SLC30A10: variants seen among roughly 807,000 people sequenced by gnomAD.
SLC30A10 encodes solute carrier family 30 member 10, also known as calcium/manganese antiporter SLC30A10.
In SLC30A10, 8 loss-of-function variants were observed where a neutral mutation model predicts 21.7. The observed-to-expected ratio is 0.37, with a 90% confidence interval of 0.22 to 0.67. The LOEUF (loss-of-function observed/expected upper bound fraction) is 0.67. Ranked by LOEUF, SLC30A10 falls within the 30% of genes least tolerant of loss-of-function variation. The pLI is 0.58. For missense variants in SLC30A10, 521 were observed against 642.5 expected (o/e 0.81, Z 2.04); for synonymous variants, 272 against 279.4 (o/e 0.97, Z 0.26).
In SLC30A10 at chr1:219,927,791, C is replaced by A; in HGVS notation, c.640+10G>T. On this transcript the variant is annotated intron_variant, in intron 1 of 3. Transcript: ENST00000366926. ...GGCCAAGCGGTCCAAAGGATGCAAC[C>A]GAAAGGCACCTGCTACGTTTGCGAA... The A allele has an allele frequency of 1.3e-6, 2 of 1,532,088 alleles. No homozygotes were observed. Among genetic ancestry groups the A allele is most frequent in the Non-Finnish European group, 8.8e-7 (1 of 1,140,400 alleles). The allele number at this position is 1,532,088 out of a possible 1,614,324, so 94.9% of individuals were successfully genotyped here. A position where few individuals can be genotyped will look rare whatever the true frequency, so the allele number is the denominator to read the frequency against.
Position 219,911,149 on chromosome 1 carries a change from GTTTTTTTTT to G in SLC30A10, c.*4291_*4299del. 0.11 allele frequency among the ~76,000 whole-genome samples: 5,283 copies of G among 49,644 alleles called. 452 individuals are homozygous for G. The highest frequency in any genetic ancestry group is 0.26 in the African/African-American group (4,456 of 17,364). The allele number at this position is 49,644 out of a possible 152,430, so 32.6% of individuals were successfully genotyped here. On this transcript the variant is annotated 3_prime_UTR_variant, in exon 4 of 4. Transcript: ENST00000366926. ...ATGTTTCTTCATTTTTTCTACATCA[GTTTTTTTTT>G]TTTTTTTTTTTTTTTTGCAGTCTTT...
At chr1:219,930,219 T>C (rs1659947854), upstream of SLC30A10, among the ~76,000 whole-genome samples, 1 of 150,944 alleles carries the variant, frequency 6.6e-6, no homozygotes, top group African/African-American at 2.4e-5. Context: ...CACCTGTAAT[T>C]TCAACATTTT....
chr1:219,934,319 C>T (rs918128058), intron 1 of SLC30A10, among the ~76,000 whole-genome samples: 8 of 151,858 alleles, frequency 5.3e-5, no homozygotes, highest in East Asian at 1.9e-4. Context: ...AAAAATTAGC[C>T]GGGCATGGTG....
At chr1:219,926,875 G>A (rs1659838541) in intron 2 of SLC30A10, among the ~76,000 whole-genome samples, 153 bp downstream of exon 2, 1 of 152,180 alleles carries the variant, frequency 6.6e-6, no homozygotes, top group African/African-American at 2.4e-5. Context: ...GATCAATGCA[G>A]TGATTACGAA....
At chr1:219,934,167 A>G (rs1050221061) in intron 1 of SLC30A10, among the ~76,000 whole-genome samples, 6 of 152,250 alleles carry the variant, frequency 3.9e-5, no homozygotes, top group African/African-American at 1.2e-4. Flanking sequence ...GGGCACCTGT[A>G]GTGCCAGCTA....
rs1385300893 is a variant in SLC30A10, at chr1:219,928,468, C to T, written c.-28G>A. The T allele has an allele frequency of 1.9e-6, 3 of 1,562,960 alleles. No individual in the cohort carries two copies. Among genetic ancestry groups the T allele is most frequent in the Non-Finnish European group, 2.6e-6 (3 of 1,155,662 alleles). On this transcript the variant is annotated 5_prime_UTR_variant, in exon 1 of 4. Transcript: ENST00000366926. This position sits in a 1 kb window ranked among gnomAD's most constrained non-coding sequence, Gnocchi z 6.3. ...CGCCACCAGCCCCGGGCGCCCGGCG[C>T]CGCCCAGGGGAGCGCAGCCCACCCC...
In SLC30A10 at chr1:219,913,444, T is replaced by G. The variant is rs1659461750; in HGVS notation, c.*2005A>C. On this transcript the variant is annotated 3_prime_UTR_variant, in exon 4 of 4. Coordinates refer to ENST00000366926, the MANE Select transcript of SLC30A10 (RefSeq NM_018713.3). The stretch of plus-strand genomic sequence containing the variant: ...AACTGTGAAATTATAATTTTCCCTT[T>G]TAATAAAGGCAGAATGATGTGAAAT... 6.6e-6 allele frequency: 1 copy of G among 152,240 alleles called. No individual in the cohort carries two copies. Among genetic ancestry groups the G allele is most frequent in the South Asian group, 2.1e-4 (1 of 4,834 alleles). 9.4% of individuals were successfully genotyped at this position (152,240 alleles called of 1,614,324 possible).
intron 1 of SLC30A10, among the ~76,000 whole-genome samples, chr1:219,955,375 G>A (rs914375792): frequency 3.3e-5 from 5 of 152,138 alleles, no homozygotes; most frequent in African/African-American, 1.2e-4. Flanking sequence ...TTTAGAGTCA[G>A]GGGTGACCTC....
At chr1:219,922,082 T>TATCTA (rs1367041910) in intron 2 of SLC30A10, among the ~76,000 whole-genome samples, 1 of 151,308 alleles carries the variant, frequency 6.6e-6, no homozygotes, top group Non-Finnish European at 1.5e-5. Flanking sequence ...GCCTCCCAAG[T>TATCTA]ATCTAGGACT....
chr1:219,927,717 A>G, intron 1 of SLC30A10, 84 bp downstream of exon 1: 2 of 1,224,092 alleles, frequency 1.6e-6, no homozygotes, highest in Non-Finnish European at 1.1e-6. Context: ...CAGAAGAAAA[A>G]GAGGGCGTGG....
rs1480984493 is a variant in SLC30A10, at chr1:219,927,659, A to C, written c.640+142T>G. On this transcript the variant is annotated intron_variant, in intron 1 of 3. Transcript: ENST00000366926. ...TTATTAAAAAAAAAAAAAAAAAAAA[A>C]AAAAAAAAACAACAACAACAAAAAA... 14 of 586,778 alleles carry C rather than the reference A, an allele frequency of 2.4e-5. No homozygotes were observed. In the African/African-American group the frequency reaches 2.9e-4, roughly 12 times the overall value. The allele number at this position is 586,778 out of a possible 1,614,324, so 36.3% of individuals were successfully genotyped here.
At chr1:219,922,176 G>GTTTTTTTTTT (rs869249213) in intron 2 of SLC30A10, among the ~76,000 whole-genome samples, 33 of 36,426 alleles carry the variant, frequency 9.1e-4, no homozygotes, top group Non-Finnish European at 1.4e-3. Context: ...GTGTGTGTGT[G>GTTTTTTTTTT]TTTTTTTTTT....
Position 219,927,897 on chromosome 1 carries a change from G to A in SLC30A10, c.544C>T (p.Pro182Ser), listed in dbSNP as rs1049886176. The A allele has an allele frequency of 1.9e-6, 3 of 1,539,368 alleles. No homozygotes were observed. The highest frequency in any genetic ancestry group is 2.6e-6 in the Non-Finnish European group (3 of 1,142,884). ...GAEDPRRAAD[P>S]TAPGSDSAVT... is the part of the protein sequence containing the mutation. ...GCCGAGTCCGAGCCTGGGGCTGTCG[G>A]GTCCGCCGCGCGCCGCGGGTCCTCC... Residue 182 changes from proline (P) to serine (S), a missense_variant, in exon 1 of 4, where the codon CCG (proline) becomes TCG (serine). Pro to Ser is a moderately conservative substitution (Grantham distance 74, BLOSUM62 -1). Coordinates refer to ENST00000366926, the MANE Select transcript of SLC30A10 (RefSeq NM_018713.3).
chr1:219,929,787 G>A (rs144830646), upstream of SLC30A10, among the ~76,000 whole-genome samples: 962 of 152,286 alleles, frequency 6.3e-3, 3 homozygotes, highest in Middle Eastern at 0.061. Context: ...CTCCCAAAGT[G>A]CTGGGATTAC....
rs1558254747 is a variant in SLC30A10, at chr1:219,928,170, C to G, written c.271G>C (p.Ala91Pro). The G allele has an allele frequency of 6.4e-7, 1 of 1,559,852 alleles. No homozygotes were observed. Among genetic ancestry groups the G allele is most frequent in the Admixed American group, 1.9e-5 (1 of 51,714 alleles). Residue 91 changes from alanine (A) to proline (P), a missense_variant, in exon 1 of 4, where the codon GCG (alanine) becomes CCG (proline). Transcript: ENST00000366926. This position sits in a 1 kb window ranked among gnomAD's most constrained non-coding sequence, Gnocchi z 6.3. Reference sequence around the variant, plus strand: ...TCCACGAAGATGGTGAAGCAGAGCGCGGTGAGGAAGACCGCGTTGCTCAGC... The same window carrying G: ...TCCACGAAGATGGTGAAGCAGAGCGGGGTGAGGAAGACCGCGTTGCTCAGC... ...GALSNAVFLTALCFTIFVEAV... is the reference protein window; with the variant it reads ...GALSNAVFLTPLCFTIFVEAV...
chr1:219,949,428 T>C (rs1219582010), intron 1 of SLC30A10, among the ~76,000 whole-genome samples: 3 of 152,118 alleles, frequency 2.0e-5, no homozygotes, highest in Admixed American at 2.0e-4. Context: ...TATACAGCCA[T>C]AAAAAATGAT....
intron 1 of SLC30A10, among the ~76,000 whole-genome samples, 157 bp downstream of exon 1, chr1:219,927,634 TTATTAAAAAA>T (rs1398684809): frequency 2.0e-4 from 15 of 76,620 alleles, no homozygotes; most frequent in African/African-American, 8.7e-4. Flanking sequence ...GGGAATGGAT[TTATTAAAAAA>T]AAAAAAAAAA....
intron 2 of SLC30A10, among the ~76,000 whole-genome samples, chr1:219,925,331 C>G (rs1240488394): frequency 6.6e-6 from 1 of 151,826 alleles, no homozygotes; most frequent in Non-Finnish European, 1.5e-5. Flanking sequence ...GTCAGGAGTT[C>G]GAGACCAGCC....
At chr1:219,923,930 G>T (rs1558252738) in intron 2 of SLC30A10, among the ~76,000 whole-genome samples, 1 of 152,196 alleles carries the variant, frequency 6.6e-6, no homozygotes. Flanking sequence ...GGGTGCAGTG[G>T]CGCGCGCCTG....
Sources: allele counts gnomAD v4.1 joint callset (sites outside exome capture counted in the v4.1 genomes callset), GRCh38; gene constraint gnomAD v4.1.1; non-coding constraint Gnocchi (gnomAD v3.1); transcripts MANE v1.5; gene names NCBI Gene and HGNC (gene_info 2026-07-23, HGNC 2026-07-21).